The following AGBL1 variants were observed in gnomAD, a reference collection of about 807,000 sequenced individuals.
AGBL1 encodes the protein AGBL carboxypeptidase 1.
A neutral mutation model predicts 118.9 loss-of-function variants in AGBL1; 130 were observed. The ratio of observed to expected loss-of-function variants is 1.09; its 90% confidence interval spans 0.95 to 1.26. The LOEUF (loss-of-function observed/expected upper bound fraction) is 1.26, where lower values mean the gene tolerates loss of function less well. Among genes scored for constraint, AGBL1 ranks in the 50% most tolerant of loss-of-function variants. The pLI is 0.00. For missense variants in AGBL1, 1,584 were observed against 1,298.1 expected, an observed-to-expected ratio of 1.22 and a Z score of -3.38; for synonymous variants, 555 against 478.9, an observed-to-expected ratio of 1.16 and a Z score of -2.08.
At chr15:86,126,219 GT>G (rs1451844203) in intron 1 of AGBL1, among the ~76,000 whole-genome samples, 9 of 151,898 alleles carry the variant, frequency 5.9e-5, no homozygotes, top group African/African-American at 2.2e-4. Context: ...GGAATCCTCT[GT>G]TTTTGGGGTG....
rs529281294 is a variant in AGBL1 at position 86,461,032 on chromosome 15, T to G, written c.2556-61778T>G. Among the ~76,000 whole-genome samples, 364 of 152,302 alleles carry G rather than the reference T, an allele frequency of 2.4e-3. 1 individual carries two copies. The highest frequency in any genetic ancestry group is 8.5e-3 in the African/African-American group (354 of 41,562). ...TATGATCTTATTTTCTTCTTTGTTT[T>G]GGATATGAGCTAAGCAAATGCATTC... On this transcript the variant is annotated intron_variant, in intron 18 of 22. Coordinates refer to ENST00000614907, the MANE Select transcript of AGBL1 (RefSeq NM_001386094.1).
intron 23 of AGBL1, among the ~76,000 whole-genome samples, chr15:86,983,326 A>T (rs1021968963): frequency 6.6e-6 from 1 of 152,172 alleles, no homozygotes; most frequent in East Asian, 1.9e-4. Flanking sequence ...CATCTCCCAG[A>T]CCATGGCTAA....
At chr15:86,732,050 GT>G (rs1409014393) in intron 22 of AGBL1, among the ~76,000 whole-genome samples, 6 of 152,188 alleles carry the variant, frequency 3.9e-5, no homozygotes, top group Non-Finnish European at 8.8e-5. Context: ...TGAGGCAGAT[GT>G]TACTGTTATC....
chr15:86,111,826 A>G (rs1200944186), intron 1 of AGBL1, among the ~76,000 whole-genome samples: 2 of 152,222 alleles, frequency 1.3e-5, no homozygotes, highest in Non-Finnish European at 2.9e-5. Context: ...GGTGAGCAGT[A>G]GGCAAGTAAG....
At chr15:86,176,459 C>T (rs145135183) in intron 5 of AGBL1, among the ~76,000 whole-genome samples, 1,569 of 152,294 alleles carry the variant, frequency 0.01, 31 homozygotes, top group African/African-American at 0.036. Context: ...TCTCAGGTTC[C>T]GGGGAGTGCA....
At chr15:86,651,486 G>A (rs1388897046) in intron 21 of AGBL1, among the ~76,000 whole-genome samples, 1 of 152,152 alleles carries the variant, frequency 6.6e-6, no homozygotes, top group Admixed American at 6.6e-5. Flanking sequence ...GAATTGTATA[G>A]ATCTTATTAT....
intron 17 of AGBL1, among the ~76,000 whole-genome samples, chr15:86,335,976 A>G (rs1162099395): frequency 6.6e-6 from 1 of 152,182 alleles, no homozygotes; most frequent in African/African-American, 2.4e-5. Flanking sequence ...TCGCACAGTG[A>G]TTTTTATTTT....
At chr15:86,302,778 C>CAAAA (rs11345100) in intron 17 of AGBL1, among the ~76,000 whole-genome samples, 1 of 95,910 alleles carries the variant, frequency 1.0e-5, no homozygotes, top group Non-Finnish European at 2.0e-5. Flanking sequence ...GACCCTGTCT[C>CAAAA]AAAAAAAAAA....
chr15:86,266,530 T>A (rs188418786), intron 12 of AGBL1, 73 bp downstream of exon 12: 1 of 1,072,228 alleles, frequency 9.3e-7, no homozygotes, highest in Non-Finnish European at 1.3e-6. Context: ...TAGACATGTT[T>A]CCTGTTAATA....
intron 22 of AGBL1, among the ~76,000 whole-genome samples, chr15:86,775,060 G>A (rs2078235675): frequency 6.6e-6 from 1 of 152,144 alleles, no homozygotes; most frequent in Admixed American, 6.6e-5. Context: ...ATTGCTTTGG[G>A]AACACAGTGG....
chr15:86,404,948 G>A (rs2081502406), intron 18 of AGBL1, among the ~76,000 whole-genome samples: 1 of 152,100 alleles, frequency 6.6e-6, no homozygotes, highest in Non-Finnish European at 1.5e-5. Flanking sequence ...CTGAAAAATG[G>A]GCCCTTAAGG....
intron 22 of AGBL1, among the ~76,000 whole-genome samples, chr15:86,698,900 G>A (rs1562979): frequency 0.4 from 61,079 of 151,038 alleles, 12,953 homozygotes; most frequent in East Asian, 0.71. Context: ...TTTATTCAAC[G>A]TTTTCATTTG....
chr15:86,730,462 T>C (rs980261651), intron 22 of AGBL1, among the ~76,000 whole-genome samples: 16 of 152,230 alleles, frequency 1.1e-4, no homozygotes, highest in African/African-American at 2.4e-4. Context: ...ATATTTACTT[T>C]TTAATCACTC....
intron 21 of AGBL1, among the ~76,000 whole-genome samples, chr15:86,622,181 T>A (rs959724114): frequency 1.3e-5 from 2 of 151,856 alleles, no homozygotes; most frequent in African/African-American, 4.8e-5. Context: ...TACAAAAAAA[T>A]TAGCTAAGCG....
At chr15:86,261,873 A>G (rs1462000405) in intron 9 of AGBL1, among the ~76,000 whole-genome samples, 1 of 152,110 alleles carries the variant, frequency 6.6e-6, no homozygotes, top group African/African-American at 2.4e-5. Flanking sequence ...TTTTAAATGT[A>G]CAAAGGGATA....
intron 23 of AGBL1, among the ~76,000 whole-genome samples, chr15:86,985,056 T>G (rs1408643110): frequency 6.6e-6 from 1 of 152,234 alleles, no homozygotes; most frequent in Non-Finnish European, 1.5e-5. Flanking sequence ...TCTATGTGGT[T>G]GCATGTTTTA....
At position 86,110,514 on chromosome 15, in the gene AGBL1, A is replaced by C. The variant is rs190129504; in HGVS notation, c.51+30491A>C. Among the ~76,000 whole-genome samples, 922 of 152,236 alleles carry C rather than the reference A, an allele frequency of 6.1e-3. 11 individuals are homozygous for C. Among genetic ancestry groups the C allele is most frequent in the African/African-American group, 0.021 (878 of 41,528 alleles). ...CTTTACTTTGAGTAGGTCGAGAAGG[A>C]GAAGGAAGAGGCGGGGTTGGTCTTG... On this transcript the variant is annotated intron_variant, in intron 1 of 22. Coordinates refer to ENST00000614907, the MANE Select transcript of AGBL1 (RefSeq NM_001386094.1).
At chr15:86,426,548 G>A (rs2081868471) in intron 18 of AGBL1, among the ~76,000 whole-genome samples, 1 of 152,192 alleles carries the variant, frequency 6.6e-6, no homozygotes, top group East Asian at 1.9e-4. Context: ...TCAGCCAGAT[G>A]GAACCGGCCA....
At chr15:86,949,130 A>G (rs1339641084) in intron 23 of AGBL1, among the ~76,000 whole-genome samples, 2 of 152,218 alleles carry the variant, frequency 1.3e-5, no homozygotes, top group African/African-American at 4.8e-5. Flanking sequence ...GAAATACTGT[A>G]AAGAATAATG....
Sources: gnomAD v4.1 joint callset for allele counts (sites outside exome capture counted in the v4.1 genomes callset) on GRCh38, gnomAD v4.1.1 for gene constraint, MANE v1.5 for transcripts, NCBI Gene and HGNC (gene_info 2026-07-23, HGNC 2026-07-21) for gene names.